The following UCHL5 variants were observed in gnomAD, a reference collection of about 807,000 sequenced individuals.
The protein encoded by UCHL5 is ubiquitin carboxyl-terminal hydrolase isozyme L5.
In UCHL5, 34 loss-of-function variants were observed where a neutral mutation model predicts 53.8. The ratio of observed to expected loss-of-function variants is 0.63; its 90% CI spans 0.48 to 0.84. UCHL5 has a LOEUF of 0.84. Among genes scored for constraint, UCHL5 ranks in the 40% least tolerant of loss-of-function variants. UCHL5 has a pLI of 0.00. For synonymous variants in UCHL5, 111 were observed against 126.3 expected (o/e 0.88, Z 0.81); for missense variants, 290 against 385.6 (o/e 0.75, Z 2.08).
intron 7 of UCHL5, among the ~76,000 whole-genome samples, chr1:193,027,542 G>A (rs556009864): frequency 1.3e-3 from 194 of 151,976 alleles, no homozygotes; most frequent in African/African-American, 4.4e-3. Context: ...AAAATTAGCC[G>A]GGTGTGGTGG....
At chr1:193,041,180 C>T (rs747224117) in intron 3 of UCHL5, among the ~76,000 whole-genome samples, 1 of 152,070 alleles carries the variant, frequency 6.6e-6, no homozygotes, top group Non-Finnish European at 1.5e-5. Flanking sequence ...TTTAAGGTGA[C>T]TGATATCCCA....
chr1:193,052,646 C>T (rs1306520283), intron 1 of UCHL5, among the ~76,000 whole-genome samples: 2 of 152,088 alleles, frequency 1.3e-5, no homozygotes, highest in Non-Finnish European at 2.9e-5. Flanking sequence ...AGCAATACAG[C>T]CATTTAAACT....
At chr1:193,055,639 T>C (rs1467343679) in intron 1 of UCHL5, among the ~76,000 whole-genome samples, 2 of 152,264 alleles carry the variant, frequency 1.3e-5, no homozygotes, top group Non-Finnish European at 2.9e-5. Flanking sequence ...TTGCATCTAT[T>C]GACATGATCA....
chr1:193,027,454 G>A (rs1226738418), intron 7 of UCHL5, among the ~76,000 whole-genome samples: 1 of 152,084 alleles, frequency 6.6e-6, no homozygotes, highest in Admixed American at 6.5e-5. Context: ...GGAGGCCAAG[G>A]TGGGCAGATC....
Position 193,059,261 on chromosome 1 carries a change from G to A in UCHL5, c.-1C>T. 1 of 1,614,002 alleles carries A rather than the reference G, an allele frequency of 6.2e-7. No individual in the cohort carries two copies. The highest frequency in any genetic ancestry group is 8.5e-7 in the Non-Finnish European group (1 of 1,179,976). On this transcript the variant is annotated 5_prime_UTR_variant, in exon 1 of 11. Coordinates refer to ENST00000367454, the MANE Select transcript of UCHL5 (RefSeq NM_001199261.3). This position sits in a 1 kb window ranked among gnomAD's most constrained non-coding sequence, Gnocchi z 4.9. ...ACCACTCCCCGGCATTGCCCGTCAT[G>A]GCCCTGGCCACACACCGCCCCGATC...
intron 1 of UCHL5, among the ~76,000 whole-genome samples, chr1:193,058,459 T>A (rs1482716114): frequency 6.6e-6 from 1 of 152,018 alleles, no homozygotes. Context: ...ACAAGATAAA[T>A]AGGGAAGGAT....
intron 3 of UCHL5, among the ~76,000 whole-genome samples, chr1:193,042,189 CT>C (rs1320782181): frequency 2.0e-5 from 3 of 151,614 alleles, no homozygotes; most frequent in African/African-American, 7.3e-5. Context: ...TTACAAACAC[CT>C]TTTTCAGGAT....
Position 193,016,384 on chromosome 1 carries a change from T to C in UCHL5, c.954A>G (p.Lys318=), listed in dbSNP as rs749627765. 9 of 1,606,772 alleles carry C rather than the reference T, an allele frequency of 5.6e-6. No individual in the cohort carries two copies. In the East Asian group the frequency reaches 2.0e-4, roughly 36 times the overall value. The stretch of plus-strand genomic sequence containing the variant: ...TTTCCTGAGCTTTCTTTGCGTTCTG[T>C]TTTTCTTTTGCCTAAAAATTAAAAA... The part of the protein sequence containing the change: ...LIPLVEKAKE[K]QNAKKAQETK The change falls in exon 11 of 11, where the codon AAA becomes AAG. Residue 318 remains lysine (K), a synonymous_variant. Transcript: ENST00000367454.
intron 7 of UCHL5, among the ~76,000 whole-genome samples, chr1:193,026,708 A>T (rs184604792): frequency 1.6e-4 from 25 of 152,234 alleles, no homozygotes; most frequent in Non-Finnish European, 2.4e-4. Context: ...AAAAAAAAAA[A>T]ATATCCATTT....
rs1473188552 is a variant in UCHL5, at chr1:193,059,047, AT to A, written c.76+137del. 1.2e-6 allele frequency: 1 copy of A among 843,520 alleles called. No individual in the cohort carries two copies. Among genetic ancestry groups the A allele is most frequent in the African/African-American group, 1.7e-5 (1 of 57,672 alleles). 52.3% of individuals were successfully genotyped at this position (843,520 alleles called of 1,614,324 possible). ...GCTGAGGAGAGGGCAGAACATCTAC[AT>A]TTCCCCCACCCGGACTCCAGGTTCC... is the stretch of plus-strand genomic sequence containing the variant. On this transcript the variant is annotated intron_variant, in intron 1 of 10. Coordinates refer to ENST00000367454, the MANE Select transcript of UCHL5 (RefSeq NM_001199261.3). The surrounding 1 kb of genome is among the most constrained non-coding windows in gnomAD (Gnocchi z 4.9).
At chr1:193,041,588 C>CT (rs1449628025) in intron 3 of UCHL5, among the ~76,000 whole-genome samples, 33 of 152,152 alleles carry the variant, frequency 2.2e-4, no homozygotes, top group Non-Finnish European at 3.7e-4. Context: ...AAAAGTTGCA[C>CT]ATTTACATAT....
At chr1:193,047,416 T>TA (rs918219626) in intron 3 of UCHL5, among the ~76,000 whole-genome samples, 11 of 152,018 alleles carry the variant, frequency 7.2e-5, no homozygotes, top group Non-Finnish European at 1.3e-4. Context: ...AACTACACTA[T>TA]AAAAAACCCT....
chr1:193,021,898 T>C (rs1050778435), intron 9 of UCHL5, among the ~76,000 whole-genome samples: 3 of 152,184 alleles, frequency 2.0e-5, no homozygotes, highest in Admixed American at 2.0e-4. Flanking sequence ...AATCATTTTA[T>C]CTTTTTTTAA....
At chr1:193,044,601 C>T (rs1278847009) in intron 3 of UCHL5, among the ~76,000 whole-genome samples, 2 of 152,020 alleles carry the variant, frequency 1.3e-5, no homozygotes. Flanking sequence ...ACAAAATAGC[C>T]AGTGTTACCT....
intron 2 of UCHL5, 148 bp from the exon 3 acceptor site, chr1:193,049,999 A>C (rs950904937): frequency 1.6e-6 from 1 of 624,118 alleles, no homozygotes; most frequent in Non-Finnish European, 2.7e-6. Flanking sequence ...ATTGCCATTC[A>C]TAGTTACTAG....
chr1:193,044,084 G>A (rs190990976), intron 3 of UCHL5, among the ~76,000 whole-genome samples: 34 of 152,268 alleles, frequency 2.2e-4, no homozygotes, highest in African/African-American at 7.9e-4. Context: ...GGTCTTGGTC[G>A]AACTCTACAG....
chr1:193,021,091 A>G lies in UCHL5; in HGVS notation c.942+6T>C. ...TAATTTAAGTATCTACCAATAAAATACTTACCTTTTCTACTAGTGGTATTA... is the reference window on the plus strand; with the variant it reads ...TAATTTAAGTATCTACCAATAAAATGCTTACCTTTTCTACTAGTGGTATTA... On this transcript the variant is annotated splice_donor_region_variant and intron_variant, in intron 10 of 10. Coordinates refer to ENST00000367454, the MANE Select transcript of UCHL5 (RefSeq NM_001199261.3). The G allele has an allele frequency of 6.4e-7, 1 of 1,570,290 alleles. No homozygotes were observed. The highest frequency in any genetic ancestry group is 8.8e-7 in the Non-Finnish European group (1 of 1,142,814).
intron 3 of UCHL5, among the ~76,000 whole-genome samples, chr1:193,032,576 C>T (rs1661846034): frequency 6.6e-6 from 1 of 152,176 alleles, no homozygotes; most frequent in South Asian, 2.1e-4. Flanking sequence ...AAACTATCAT[C>T]AGAGTGAACG....
At chr1:193,039,426 C>T (rs920097736) in intron 3 of UCHL5, among the ~76,000 whole-genome samples, 1 of 151,904 alleles carries the variant, frequency 6.6e-6, no homozygotes, top group Non-Finnish European at 1.5e-5. Context: ...AAATAATAAT[C>T]TAAAATACCT....
Sources: gnomAD v4.1 joint callset for allele counts (sites outside exome capture counted in the v4.1 genomes callset) on GRCh38, gnomAD v4.1.1 for gene constraint, Gnocchi (gnomAD v3.1) non-coding constraint, MANE v1.5 for transcripts, NCBI Gene and HGNC (gene_info 2026-07-23, HGNC 2026-07-21) for gene names.